Variants in OCLN observed in about 807,000 individuals in gnomAD.
OCLN encodes the protein occludin, also known as phosphatase 1, regulatory subunit 115.
In OCLN, 21 loss-of-function variants were observed where a neutral mutation model predicts 47.9. That is an observed-to-expected ratio of 0.44 (90% CI 0.31 to 0.63). The LOEUF (loss-of-function observed/expected upper bound fraction) is 0.63, where lower values mean the gene tolerates loss of function less well. Among genes scored for constraint, OCLN ranks in the 30% least tolerant of loss-of-function variants. OCLN has a pLI of 0.08. For missense variants in OCLN, 360 were observed against 571.0 expected (o/e 0.63, Z 3.77); for synonymous variants, 117 against 198.4 (o/e 0.59, Z 3.45).
chr5:69,521,074 C>G (rs1011929600), intron 4 of OCLN, among the ~76,000 whole-genome samples: 1 of 151,776 alleles, frequency 6.6e-6, no homozygotes, highest in African/African-American at 2.4e-5. Flanking sequence ...TGACCTCAGG[C>G]GATCCACCCG....
intron 4 of OCLN, among the ~76,000 whole-genome samples, chr5:69,532,337 A>C (rs1314637748): frequency 6.6e-6 from 1 of 152,130 alleles, no homozygotes; most frequent in Admixed American, 6.6e-5. Context: ...CAGTCTCAAG[A>C]GGTCTTCCCA....
chr5:69,514,854 TC>T (rs1768884697), intron 4 of OCLN, among the ~76,000 whole-genome samples: 1 of 152,148 alleles, frequency 6.6e-6, no homozygotes, highest in South Asian at 2.1e-4. Flanking sequence ...GGGTCACCGA[TC>T]AACAGGATCA....
At chr5:69,532,783 C>T (rs1255178301) in intron 4 of OCLN, among the ~76,000 whole-genome samples, 1 of 151,896 alleles carries the variant, frequency 6.6e-6, no homozygotes, top group Non-Finnish European at 1.5e-5. Flanking sequence ...GCTTGGCCAA[C>T]ATGGTTAGAC....
intron 2 of OCLN, among the ~76,000 whole-genome samples, chr5:69,508,600 C>G (rs1311372613): frequency 6.6e-6 from 1 of 152,184 alleles, no homozygotes; most frequent in African/African-American, 2.4e-5. Context: ...CTTGGCCTCC[C>G]AAAGTGCTGG....
chr5:69,548,123 T>A, intron 7 of OCLN, 22 bp downstream of exon 7: 1 of 466,374 alleles, frequency 2.1e-6, no homozygotes, highest in Non-Finnish European at 3.9e-6. Flanking sequence ...CTGATATTTA[T>A]ATATTAAACA....
At chr5:69,518,567 C>T (rs546041576) in intron 4 of OCLN, among the ~76,000 whole-genome samples, 1 of 152,298 alleles carries the variant, frequency 6.6e-6, no homozygotes, top group South Asian at 2.1e-4. Flanking sequence ...ATTGATGGAA[C>T]AGGCAGATGT....
chr5:69,533,118 T>TACAC (rs1030177396), intron 4 of OCLN, among the ~76,000 whole-genome samples: 13 of 145,418 alleles, frequency 8.9e-5, no homozygotes, highest in Non-Finnish European at 1.0e-4. Context: ...CATATATATA[T>TACAC]ACACACACAC....
chr5:69,513,999 AT>A lies in OCLN; in HGVS notation c.785del (p.Phe262SerfsTer4). ...FMIIVAFALI[I>X]FFAVKTRRKM... Reference sequence around the variant, plus strand: ...GATTATTGTGGCTTTTGCTTTAATAATTTTCTTTGCTGTGAAAACTCGAAGA... The same window carrying A: ...GATTATTGTGGCTTTTGCTTTAATAATTTCTTTGCTGTGAAAACTCGAAGA... On this transcript the variant is annotated frameshift_variant, in exon 4 of 9. Coordinates refer to ENST00000396442, the MANE Select transcript of OCLN (RefSeq NM_001205254.2). LOFTEE classifies it high-confidence loss of function. 6.2e-7 allele frequency: 1 copy of A among 1,613,946 alleles called. No homozygotes were observed. The highest frequency in any genetic ancestry group is 8.5e-7 in the Non-Finnish European group (1 of 1,179,834).
At chr5:69,515,808 C>T (rs1768944422) in intron 4 of OCLN, among the ~76,000 whole-genome samples, 1 of 151,474 alleles carries the variant, frequency 6.6e-6, no homozygotes, top group African/African-American at 2.4e-5. Context: ...ACGCTCCTCA[C>T]CTCCCAGACG....
chr5:69,501,106 G>A (rs1245846787), intron 1 of OCLN, among the ~76,000 whole-genome samples: 16 of 151,846 alleles, frequency 1.1e-4, no homozygotes, highest in East Asian at 3.9e-4. Flanking sequence ...TAGTAGAGAC[G>A]GGGTTTTGCC....
chr5:69,550,213 ACGGAGT>A (rs2112093061), intron 7 of OCLN, among the ~76,000 whole-genome samples: 1 of 102,632 alleles, frequency 9.7e-6, no homozygotes, highest in African/African-American at 3.6e-5. Context: ...TTTTTTTGAG[ACGGAGT>A]CTTGCTCTGT....
At chr5:69,495,033 T>G (rs1023160714) in intron 1 of OCLN, among the ~76,000 whole-genome samples, 1 of 152,240 alleles carries the variant, frequency 6.6e-6, no homozygotes, top group Non-Finnish European at 1.5e-5. Flanking sequence ...TCTTGTTTTC[T>G]TCTAAAGGTA....
At chr5:69,513,543 T>G (rs1768843008) in intron 3 of OCLN, among the ~76,000 whole-genome samples, 1 of 152,266 alleles carries the variant, frequency 6.6e-6, no homozygotes, top group Middle Eastern at 3.4e-3. Context: ...CTTTTGAGAG[T>G]AGCATTTTTC....
chr5:69,527,660 T>G (rs1769319990), intron 4 of OCLN, among the ~76,000 whole-genome samples: 1 of 152,208 alleles, frequency 6.6e-6, no homozygotes, highest in South Asian at 2.1e-4. Flanking sequence ...GATTTAACCC[T>G]TGTCTGGCAT....
At chr5:69,550,467 C>T (rs577902350) in intron 7 of OCLN, among the ~76,000 whole-genome samples, 8 of 151,780 alleles carry the variant, frequency 5.3e-5, no homozygotes, top group South Asian at 2.1e-4. Context: ...GCTGGAATTA[C>T]GTGTGTGAGC....
At position 69,554,239 on chromosome 5, in the gene OCLN, AT is replaced by A. The variant is rs1307099981; in HGVS notation, c.*576del. 2.9e-5 allele frequency: 4 copies of A among 135,748 alleles called. No individual in the cohort carries two copies. The highest frequency in any genetic ancestry group is 8.3e-5 in the African/African-American group (3 of 36,194). 8.4% of individuals were successfully genotyped at this position (135,748 alleles called of 1,614,324 possible). A position where few individuals can be genotyped will look rare whatever the true frequency, so the allele number is the denominator to read the frequency against. On this transcript the variant is annotated 3_prime_UTR_variant, in exon 9 of 9. Coordinates refer to ENST00000396442, the MANE Select transcript of OCLN (RefSeq NM_001205254.2). ...TATGTGATGATCTACCAGCCTCCCT[AT>A]TTTTTTTCTGTTATATAAATGGTTA...
intron 4 of OCLN, among the ~76,000 whole-genome samples, chr5:69,526,647 A>G (rs1769287702): frequency 6.6e-6 from 1 of 152,200 alleles, no homozygotes; most frequent in South Asian, 2.1e-4. Flanking sequence ...AAATTTAGAA[A>G]GGATCTCCAG....
At chr5:69,528,937 A>G (rs1397007271) in intron 4 of OCLN, among the ~76,000 whole-genome samples, 3 of 152,198 alleles carry the variant, frequency 2.0e-5, no homozygotes, top group Non-Finnish European at 4.4e-5. Flanking sequence ...GAGGAGAAAA[A>G]TGAGGATTAG....
chr5:69,524,459 G>T (rs554535981), intron 4 of OCLN, among the ~76,000 whole-genome samples: 2 of 152,138 alleles, frequency 1.3e-5, no homozygotes, highest in East Asian at 3.9e-4. Flanking sequence ...TTTTGTTTTG[G>T]GTGTTTTTTA....
Sources: allele counts gnomAD v4.1 joint callset (sites outside exome capture counted in the v4.1 genomes callset), GRCh38; gene constraint gnomAD v4.1.1; transcripts MANE v1.5; gene names NCBI Gene and HGNC (gene_info 2026-07-23, HGNC 2026-07-21).